Variants in IFT57 observed in about 807,000 individuals in gnomAD.
IFT57 encodes intraflagellar transport 57.
A neutral mutation model predicts 56.8 loss-of-function variants in IFT57; 59 were observed. The ratio of observed to expected loss-of-function variants is 1.04; its 90% CI spans 0.84 to 1.29. IFT57 has a LOEUF of 1.29. Among genes scored for constraint, IFT57 ranks in the 50% most tolerant of loss-of-function variants. The pLI is 0.00. For missense variants in IFT57, 470 were observed against 522.1 expected (o/e 0.90, Z 0.97); for synonymous variants, 209 against 186.1 (o/e 1.12, Z -1.00).
intron 9 of IFT57, among the ~76,000 whole-genome samples, chr3:108,164,016 C>T (rs1379047325): frequency 6.6e-6 from 1 of 152,042 alleles, no homozygotes; most frequent in Non-Finnish European, 1.5e-5. Flanking sequence ...TCACTAGACA[C>T]TCAAACCTCG....
intron 6 of IFT57, among the ~76,000 whole-genome samples, chr3:108,172,801 G>C (rs2080101845): frequency 6.6e-6 from 1 of 151,798 alleles, no homozygotes. Context: ...GACAAGAACA[G>C]CAGAGATTTT....
At chr3:108,214,061 A>G in intron 3 of IFT57, 40 bp from the exon 4 acceptor site, 1 of 1,228,514 alleles carries the variant, frequency 8.1e-7, no homozygotes, top group Non-Finnish European at 1.2e-6. Flanking sequence ...TAATTTTAAT[A>G]TTTAGTAAGA....
rs116221580 is a variant in IFT57, at chr3:108,206,507, A to G, written c.654+121T>C. The G allele has an allele frequency of 3.6e-3, 1,440 of 403,960 alleles. 24 individuals carry two copies. The highest frequency in any genetic ancestry group is 0.028 in the African/African-American group (1,335 of 47,980). The allele number at this position is 403,960 out of a possible 1,614,324, so 25.0% of individuals were successfully genotyped here. ...TTTTATATATAGGAAAGCAATTTTG[A>G]GAGCTACTTTTGAAACAGCATACAA... On this transcript the variant is annotated intron_variant, in intron 5 of 10. Transcript: ENST00000264538.
intron 5 of IFT57, among the ~76,000 whole-genome samples, chr3:108,195,625 G>T (rs1415841580): frequency 6.6e-6 from 1 of 152,066 alleles, no homozygotes; most frequent in Non-Finnish European, 1.5e-5. Flanking sequence ...TACACAATGG[G>T]ATATTATTTA....
intron 1 of IFT57, among the ~76,000 whole-genome samples, chr3:108,221,304 TG>T (rs1275061108): frequency 1.3e-5 from 2 of 152,226 alleles, no homozygotes; most frequent in African/African-American, 4.8e-5. Context: ...AGTATTAAAG[TG>T]AAAGAAAAGC....
chr3:108,172,861 G>T (rs1216610947), intron 6 of IFT57, among the ~76,000 whole-genome samples: 1 of 151,812 alleles, frequency 6.6e-6, no homozygotes, highest in Non-Finnish European at 1.5e-5. Flanking sequence ...AGTTTGATAA[G>T]CTACTGGGAC....
intron 4 of IFT57, among the ~76,000 whole-genome samples, chr3:108,212,891 T>G (rs1025587810): frequency 1.3e-4 from 20 of 152,336 alleles, no homozygotes; most frequent in African/African-American, 4.8e-4. Context: ...GGGTTTGAAC[T>G]GCATGGGTCC....
chr3:108,187,661 G>A (rs1280624762), intron 6 of IFT57, among the ~76,000 whole-genome samples: 1 of 150,640 alleles, frequency 6.6e-6, no homozygotes, highest in Non-Finnish European at 1.5e-5. Flanking sequence ...AAAAGTGTGA[G>A]AGAAAAACGC....
chr3:108,196,257 C>T (rs1297969048), intron 5 of IFT57, among the ~76,000 whole-genome samples: 1 of 152,080 alleles, frequency 6.6e-6, no homozygotes, highest in East Asian at 1.9e-4. Flanking sequence ...ACCCTCATTT[C>T]CACCCTCATT....
chr3:108,167,122 A>G, intron 7 of IFT57, 137 bp from the exon 8 acceptor site: 1 of 663,364 alleles, frequency 1.5e-6, no homozygotes, highest in Non-Finnish European at 2.5e-6. Context: ...GAAATTTTCA[A>G]TAGCACAAAA....
intron 5 of IFT57, among the ~76,000 whole-genome samples, chr3:108,194,102 G>A (rs1227084743): frequency 6.6e-6 from 1 of 152,200 alleles, no homozygotes; most frequent in Admixed American, 6.5e-5. Flanking sequence ...GCAGTTCTGA[G>A]TGATTCTTAA....
chr3:108,166,987 T>A lies in IFT57; in HGVS notation c.850-2A>T. 1 of 1,604,030 alleles carries A rather than the reference T, an allele frequency of 6.2e-7. No individual in the cohort carries two copies. The highest frequency in any genetic ancestry group is 8.5e-7 in the Non-Finnish European group (1 of 1,175,660). ...ATTATGGAGTTTGTCCAAAAATCCC[T>A]AGAAATTCCATGGAATTTGCAGATA... On this transcript the variant is annotated splice_acceptor_variant, in intron 7 of 10. Coordinates refer to ENST00000264538, the MANE Select transcript of IFT57 (RefSeq NM_018010.4). LOFTEE classifies it high-confidence loss of function.
At chr3:108,184,340 G>A (rs566413134) in intron 6 of IFT57, among the ~76,000 whole-genome samples, 5 of 151,726 alleles carry the variant, frequency 3.3e-5, no homozygotes, top group East Asian at 1.9e-4. Context: ...ACTTATATGC[G>A]GATTTTTTTC....
At chr3:108,165,553 C>G in intron 8 of IFT57, 60 bp from the exon 9 acceptor site, 1 of 1,334,430 alleles carries the variant, frequency 7.5e-7, no homozygotes, top group South Asian at 1.2e-5. Context: ...TTAAATACGA[C>G]TGACCTCTTT....
At chr3:108,173,929 T>C (rs1414061386) in intron 6 of IFT57, among the ~76,000 whole-genome samples, 1 of 149,052 alleles carries the variant, frequency 6.7e-6, no homozygotes, top group East Asian at 2.0e-4. Context: ...AAGTGGAAAA[T>C]ACAGTCTCAA....
intron 8 of IFT57, among the ~76,000 whole-genome samples, chr3:108,166,626 A>G (rs982197543): frequency 2.6e-5 from 4 of 152,098 alleles, no homozygotes; most frequent in Admixed American, 6.6e-5. Flanking sequence ...ATTTACTTAA[A>G]TCAAATGAAG....
intron 4 of IFT57, among the ~76,000 whole-genome samples, chr3:108,212,735 CTAACT>C (rs778089532): frequency 3.6e-4 from 55 of 152,220 alleles, no homozygotes; most frequent in Non-Finnish European, 6.5e-4. Context: ...TATGCATATA[CTAACT>C]TAAATACTAT....
chr3:108,191,611 A>G lies in IFT57; in HGVS notation c.687T>C (p.Ile229=). Residue 229 remains isoleucine (I), a synonymous_variant, in exon 6 of 11, where the codon ATT becomes ATC. Coordinates refer to ENST00000264538, the MANE Select transcript of IFT57 (RefSeq NM_018010.4). ...CTGCAGCATCTGTTGTGGATTCCAA[A>G]ATATCTTCTTGTTTGGCAGTCTCGT... ...DMNETAKQED[I]LESTTDAAEW... is the part of the protein sequence containing the mutation. 6.2e-7 allele frequency: 1 copy of G among 1,609,722 alleles called. No individual in the cohort carries two copies. Among genetic ancestry groups the G allele is most frequent in the Non-Finnish European group, 8.5e-7 (1 of 1,177,070 alleles).
intron 6 of IFT57, among the ~76,000 whole-genome samples, chr3:108,176,170 T>C (rs1182158678): frequency 6.6e-6 from 1 of 151,906 alleles, no homozygotes; most frequent in Non-Finnish European, 1.5e-5. Flanking sequence ...TGTTCTGTTT[T>C]GCAGTTTTAT....
Sources: gnomAD v4.1 joint callset for allele counts (sites outside exome capture counted in the v4.1 genomes callset) on GRCh38, gnomAD v4.1.1 for gene constraint, MANE v1.5 for transcripts, NCBI Gene and HGNC (gene_info 2026-07-23, HGNC 2026-07-21) for gene names.